ABLIM2: variants seen among roughly 807,000 people sequenced by gnomAD.
ABLIM2 encodes the protein actin binding LIM protein family member 2.
ABLIM2 carries 53 observed loss-of-function variants against 97.7 expected under a neutral mutation model. The observed-to-expected ratio is 0.54, with a 90% CI of 0.44 to 0.68. The LOEUF is 0.68. Ranked by LOEUF, ABLIM2 falls within the 30% of genes least tolerant of loss-of-function variation. The pLI, the probability that ABLIM2 is intolerant of heterozygous loss-of-function variation, is 0.00. For missense variants in ABLIM2, 835 were observed against 867.2 expected (o/e 0.96, Z 0.47); for synonymous variants, 361 against 345.8 (o/e 1.04, Z -0.49).
Position 8,071,075 on chromosome 4 carries a change from C to A in ABLIM2, c.675+6553G>T, listed in dbSNP as rs1169610466. On this transcript the variant is annotated intron_variant, in intron 6 of 20. Transcript: ENST00000447017. The surrounding 1 kb of genome is among the most constrained non-coding windows in gnomAD (Gnocchi z 6.2). ...GGCCAGTGGCTTCTCCTCATCCACA[C>A]CTCCTCCCTTTATGCAGCCCTGGTC... 6.6e-6 allele frequency among the ~76,000 whole-genome samples: 1 copy of A among 152,200 alleles called. No individual in the cohort carries two copies. The highest frequency in any genetic ancestry group is 1.5e-5 in the Non-Finnish European group (1 of 68,016).
At chr4:7,997,689 CT>C (rs1023515870) in intron 16 of ABLIM2, among the ~76,000 whole-genome samples, 1 of 152,114 alleles carries the variant, frequency 6.6e-6, no homozygotes, top group African/African-American at 2.4e-5. Context: ...GGGTCTCCTG[CT>C]GCTGCTGGGT....
At chr4:8,076,103 G>A (rs962218500) in intron 6 of ABLIM2, among the ~76,000 whole-genome samples, 1 of 152,218 alleles carries the variant, frequency 6.6e-6, no homozygotes, top group Admixed American at 6.5e-5. Flanking sequence ...GCAGGGCCAG[G>A]ACCCTTCCCG....
At chr4:8,030,817 C>T (rs1780488053) in intron 10 of ABLIM2, among the ~76,000 whole-genome samples, 1 of 152,216 alleles carries the variant, frequency 6.6e-6, no homozygotes, top group Non-Finnish European at 1.5e-5. Context: ...GGTTTGGCAG[C>T]TCGGTGCAAG....
intron 20 of ABLIM2, among the ~76,000 whole-genome samples, chr4:7,980,530 C>G (rs367818299): frequency 6.6e-6 from 1 of 152,024 alleles, no homozygotes; most frequent in Non-Finnish European, 1.5e-5. Context: ...GCCTGGCCAA[C>G]GTGGTGAAAC....
chr4:8,101,527 G>C (rs1259941654), intron 2 of ABLIM2, among the ~76,000 whole-genome samples: 1 of 152,226 alleles, frequency 6.6e-6, no homozygotes, highest in African/African-American at 2.4e-5. Flanking sequence ...CCTAGAACAG[G>C]CGGCTATTTA....
chr4:7,989,266 A>T (rs1354251567), intron 17 of ABLIM2, among the ~76,000 whole-genome samples: 1 of 152,004 alleles, frequency 6.6e-6, no homozygotes, highest in African/African-American at 2.4e-5. Context: ...TTTAGTAGAG[A>T]TGGGGTTTCA....
chr4:8,076,190 C>T (rs1815884797), intron 6 of ABLIM2, among the ~76,000 whole-genome samples: 1 of 152,204 alleles, frequency 6.6e-6, no homozygotes, highest in African/African-American at 2.4e-5. Context: ...GGTGTGGCCA[C>T]CCGTCTCCCC....
chr4:8,007,122 G>T (rs1429773044), intron 16 of ABLIM2: 1 of 985,252 alleles, frequency 1.0e-6, no homozygotes, highest in African/African-American at 1.7e-5. Flanking sequence ...TACTTTCATT[G>T]TTAAGTAGGA....
intron 2 of ABLIM2, 70 bp downstream of exon 2, chr4:8,106,424 T>G (rs867941343): frequency 1.3e-6 from 2 of 1,549,802 alleles, no homozygotes; most frequent in Non-Finnish European, 1.7e-6. Context: ...CAGGAGGCTT[T>G]GCGGGCCCAG....
intron 3 of ABLIM2, among the ~76,000 whole-genome samples, chr4:8,094,898 CCTTCCCTCCCTCCCTCT>C (rs1443195051): frequency 6.6e-6 from 1 of 151,516 alleles, no homozygotes; most frequent in East Asian, 1.9e-4. Context: ...ACTAGTAATT[CCTTCCCTCCCTCCCTCT>C]CTTCCCTCCC....
At chr4:8,137,529 G>T (rs1578466881) in intron 1 of ABLIM2, among the ~76,000 whole-genome samples, 1 of 152,218 alleles carries the variant, frequency 6.6e-6, no homozygotes, top group South Asian at 2.1e-4. Context: ...GCTGGGGAAG[G>T]GCCTGGCCCT....
chr4:8,052,279 C>T (rs1272126889), intron 8 of ABLIM2, among the ~76,000 whole-genome samples: 1 of 152,116 alleles, frequency 6.6e-6, no homozygotes, highest in African/African-American at 2.4e-5. Flanking sequence ...CTTTGGTGGG[C>T]ATGGAAGGAT....
rs1048264630 is a variant in ABLIM2, at chr4:7,992,993, T to C, written c.1619-66A>G. ...CGGTGCAGCAATGGGGGTGCAGCCCTGGGGGGGCTTCCCACCGGGGTGGGC... is the reference window on the plus strand; with the variant it reads ...CGGTGCAGCAATGGGGGTGCAGCCCCGGGGGGGCTTCCCACCGGGGTGGGC... On this transcript the variant is annotated intron_variant, in intron 16 of 20. Coordinates refer to ENST00000447017, the MANE Select transcript of ABLIM2 (RefSeq NM_001130083.2). The surrounding 1 kb of genome is among the most constrained non-coding windows in gnomAD (Gnocchi z 5.7). 1.9e-6 allele frequency: 3 copies of C among 1,549,584 alleles called. No individual in the cohort carries two copies. The highest frequency in any genetic ancestry group is 2.7e-6 in the Non-Finnish European group (3 of 1,131,386).
intron 6 of ABLIM2, among the ~76,000 whole-genome samples, chr4:8,062,925 C>T (rs1218056726): frequency 6.6e-6 from 1 of 152,220 alleles, no homozygotes; most frequent in Non-Finnish European, 1.5e-5. Flanking sequence ...GCCCCCACTT[C>T]ACACTGACTT....
chr4:7,987,317 C>A (rs111996860), intron 17 of ABLIM2, among the ~76,000 whole-genome samples: 8 of 152,056 alleles, frequency 5.3e-5, no homozygotes, highest in African/African-American at 1.9e-4. Flanking sequence ...GATATGGGGT[C>A]TTGCTGTGTT....
At position 8,054,998 on chromosome 4, in the gene ABLIM2, A is replaced by C. The variant is rs73216468; in HGVS notation, c.764-752T>G. On this transcript the variant is annotated intron_variant, in intron 7 of 20. Transcript: ENST00000447017. This position sits in a 1 kb window ranked among gnomAD's most constrained non-coding sequence, Gnocchi z 4.9. ...ACCAAGTGCCCCCAGCATCCCTGGC[A>C]CTCTGGTCTCTACTAATTCAACCTC... Among the ~76,000 whole-genome samples the C allele has an allele frequency of 6.6e-6, 1 of 150,744 alleles. No homozygotes were observed. The highest frequency in any genetic ancestry group is 1.5e-5 in the Non-Finnish European group (1 of 67,806).
chr4:7,986,480 C>T lies in ABLIM2; in HGVS notation c.1681-1587G>A, dbSNP rs1744231578. Among the ~76,000 whole-genome samples, 3 of 152,162 alleles carry T rather than the reference C, an allele frequency of 2.0e-5. No homozygotes were observed. Among genetic ancestry groups the T allele is most frequent in the Admixed American group, 2.0e-4 (3 of 15,264 alleles). ...GAACTGGTCTCTATTTACATTTTTG[C>T]TATTTTGTTTATCGTGAAATTTTTT... On this transcript the variant is annotated intron_variant, in intron 17 of 20. Coordinates refer to ENST00000447017, the MANE Select transcript of ABLIM2 (RefSeq NM_001130083.2). The surrounding 1 kb of genome is among the most constrained non-coding windows in gnomAD (Gnocchi z 4.3).
At chr4:8,089,713 CAA>C (rs528660008) in intron 3 of ABLIM2, among the ~76,000 whole-genome samples, 62 of 103,884 alleles carry the variant, frequency 6.0e-4, no homozygotes, top group African/African-American at 2.3e-3. Flanking sequence ...CAGGCTGGGC[CAA>C]AGAGTGAGAT....
At chr4:8,042,990 A>C (rs559283268) in intron 9 of ABLIM2, among the ~76,000 whole-genome samples, 6 of 152,248 alleles carry the variant, frequency 3.9e-5, no homozygotes, top group African/African-American at 1.4e-4. Context: ...ATCTCAACAA[A>C]AAATACAAAA....
Sources: gnomAD v4.1 joint callset for allele counts (sites outside exome capture counted in the v4.1 genomes callset) on GRCh38, gnomAD v4.1.1 for gene constraint, Gnocchi (gnomAD v3.1) non-coding constraint, MANE v1.5 for transcripts, NCBI Gene and HGNC (gene_info 2026-07-23, HGNC 2026-07-21) for gene names.